ARFGAP3: variants seen among roughly 807,000 people sequenced by gnomAD.
ARFGAP3 encodes the protein ADP-ribosylation factor GTPase-activating protein 3.
In ARFGAP3, 72 loss-of-function variants were observed where a neutral mutation model predicts 75.0. The ratio of observed to expected loss-of-function variants is 0.96; its 90% CI spans 0.79 to 1.17. The LOEUF (loss-of-function observed/expected upper bound fraction) is 1.17. ARFGAP3 is among the 50% of genes most tolerant of loss of function. ARFGAP3 has a pLI of 0.00. For synonymous variants in ARFGAP3, 221 were observed against 217.9 expected (o/e 1.01, Z -0.13); for missense variants, 620 against 626.6 (o/e 0.99, Z 0.11).
chr22:42,842,275 G>A (rs919877234), intron 2 of ARFGAP3, among the ~76,000 whole-genome samples: 3 of 147,192 alleles, frequency 2.0e-5, no homozygotes, highest in Middle Eastern at 3.8e-3. Flanking sequence ...AAAGTACTGT[G>A]ATTACAGGCA....
rs1325854025 is a variant in ARFGAP3, at chr22:42,857,134, G to A, written c.49C>T (p.Arg17Cys). 3.3e-6 allele frequency: 5 copies of A among 1,515,426 alleles called. No homozygotes were observed. The highest frequency in any genetic ancestry group is 4.4e-6 in the Non-Finnish European group (5 of 1,130,058). The allele number at this position is 1,515,426 out of a possible 1,614,324, so 93.9% of individuals were successfully genotyped here. Residue 17 changes from arginine (R) to cysteine (C), a missense_variant, in exon 1 of 16, where the codon CGC (arginine) becomes TGC (cysteine). By Grantham distance (180) the Arg-to-Cys change is radical (BLOSUM62 -3). Transcript: ENST00000263245. ...GCTACCTTGTTAGTGGGCACCGAGCGGAGGCGCTTGAAGATGGTCAAGATG... is the reference window on the plus strand; with the variant it reads ...GCTACCTTGTTAGTGGGCACCGAGCAGAGGCGCTTGAAGATGGTCAAGATG... ...QDILTIFKRLRSVPTNKVCFD... is the reference protein window; with the variant it reads ...QDILTIFKRLCSVPTNKVCFD...
At chr22:42,838,985 C>G (rs1926658747) in intron 3 of ARFGAP3, among the ~76,000 whole-genome samples, 1 of 151,470 alleles carries the variant, frequency 6.6e-6, no homozygotes, top group Non-Finnish European at 1.5e-5. Context: ...TGGCGGGCGC[C>G]TGTAGTCCCA....
At chr22:42,847,779 G>A (rs8140450) in intron 1 of ARFGAP3, 147 bp from the exon 2 acceptor site, 22,928 of 902,270 alleles carry the variant, frequency 0.025, 375 homozygotes, top group Non-Finnish European at 0.029. Flanking sequence ...TCTCACCTAG[G>A]TTTTTTTAAA....
intron 1 of ARFGAP3, among the ~76,000 whole-genome samples, chr22:42,850,217 T>A (rs1927214797): frequency 6.6e-6 from 1 of 151,804 alleles, no homozygotes; most frequent in South Asian, 2.1e-4. Context: ...AAACTCCGAA[T>A]AGGGAAAAAA....
At chr22:42,800,598 T>G (rs1924813108) in intron 14 of ARFGAP3, among the ~76,000 whole-genome samples, 1 of 152,218 alleles carries the variant, frequency 6.6e-6, no homozygotes, top group Admixed American at 6.5e-5. Context: ...CAAGTTACCC[T>G]GCAACGTGTC....
chr22:42,800,437 AG>A (rs1479570732), intron 14 of ARFGAP3, among the ~76,000 whole-genome samples: 1 of 152,220 alleles, frequency 6.6e-6, no homozygotes, highest in East Asian at 1.9e-4. Context: ...AGGCTGAGGC[AG>A]GAGAATCACT....
At chr22:42,853,921 G>C (rs541644538) in intron 1 of ARFGAP3, 3 of 155,154 alleles carry the variant, frequency 1.9e-5, no homozygotes, top group South Asian at 2.0e-4. Context: ...CCTTCCGGGC[G>C]TGGGATGGTG....
intron 1 of ARFGAP3, among the ~76,000 whole-genome samples, chr22:42,848,961 T>A (rs1002901754): frequency 3.3e-5 from 5 of 152,058 alleles, no homozygotes; most frequent in African/African-American, 1.2e-4. Context: ...TCTCCCCCTC[T>A]CTCCCTCCCC....
Position 42,822,417 on chromosome 22 carries a change from A to C in ARFGAP3, c.673-8T>G. 1 of 1,613,568 alleles carries C rather than the reference A, an allele frequency of 6.2e-7. No individual in the cohort carries two copies. The highest frequency in any genetic ancestry group is 8.5e-7 in the Non-Finnish European group (1 of 1,179,864). ...TCCTTTTTTGGCCCCAAGCTAGAAC[A>C]TATATAAGACTATAGTCTACACGAG... is the stretch of plus-strand genomic sequence containing the variant. On this transcript the variant is annotated splice_polypyrimidine_tract_variant and splice_region_variant and intron_variant, in intron 8 of 15. Coordinates refer to ENST00000263245, the MANE Select transcript of ARFGAP3 (RefSeq NM_014570.5).
intron 6 of ARFGAP3, among the ~76,000 whole-genome samples, chr22:42,829,173 A>T (rs749808284): frequency 1.1e-4 from 16 of 152,228 alleles, no homozygotes; most frequent in Non-Finnish European, 2.2e-4. Flanking sequence ...CTTAAAAAAC[A>T]ATCTCTCTCT....
At chr22:42,807,543 C>T (rs1925181994) in intron 13 of ARFGAP3, among the ~76,000 whole-genome samples, 1 of 152,216 alleles carries the variant, frequency 6.6e-6, no homozygotes, top group Non-Finnish European at 1.5e-5. Flanking sequence ...TGAATGTCAA[C>T]TTTGAAGCAA....
At chr22:42,844,074 G>A (rs1451342679) in intron 2 of ARFGAP3, among the ~76,000 whole-genome samples, 1 of 152,216 alleles carries the variant, frequency 6.6e-6, no homozygotes, top group Admixed American at 6.5e-5. Flanking sequence ...CAGTGCATGT[G>A]TGTGTGTCTG....
chr22:42,857,057 C>T (rs1927537784), intron 1 of ARFGAP3, 57 bp downstream of exon 1: 3 of 1,463,216 alleles, frequency 2.1e-6, no homozygotes, highest in Non-Finnish European at 2.7e-6. Flanking sequence ...CCCGCGGGGC[C>T]TCCCGCCGGT....
intron 6 of ARFGAP3, among the ~76,000 whole-genome samples, chr22:42,828,964 C>A (rs142174138): frequency 6.6e-6 from 1 of 152,096 alleles, no homozygotes; most frequent in Non-Finnish European, 1.5e-5. Context: ...GGATTATAGG[C>A]GTGAGCCACT....
intron 14 of ARFGAP3, among the ~76,000 whole-genome samples, chr22:42,800,607 T>C (rs549632259): frequency 6.6e-6 from 1 of 152,290 alleles, no homozygotes; most frequent in Admixed American, 6.5e-5. Flanking sequence ...CTGCAACGTG[T>C]CCCTTGGAAG....
intron 12 of ARFGAP3, 135 bp downstream of exon 12, chr22:42,810,678 T>A: frequency 1.3e-6 from 1 of 750,230 alleles, no homozygotes; most frequent in Non-Finnish European, 2.3e-6. Context: ...CTCGGCCTCT[T>A]AAAGTGCTGG....
intron 2 of ARFGAP3, among the ~76,000 whole-genome samples, chr22:42,842,299 C>T (rs1482914162): frequency 7.5e-6 from 1 of 133,846 alleles, no homozygotes; most frequent in Non-Finnish European, 1.5e-5. Flanking sequence ...GCCACCGTGC[C>T]TGGCCTTTTT....
At chr22:42,831,430 G>A (rs1926283103) in intron 6 of ARFGAP3, 119 bp downstream of exon 6, 18 of 983,930 alleles carry the variant, frequency 1.8e-5, no homozygotes, top group Non-Finnish European at 2.5e-5. Context: ...CCTCAGCCTC[G>A]CAAAGTGCTG....
intron 6 of ARFGAP3, 51 bp from the exon 7 acceptor site, chr22:42,827,050 T>C (rs759957849): frequency 6.2e-7 from 1 of 1,602,310 alleles, no homozygotes; most frequent in Non-Finnish European, 8.5e-7. Context: ...TCAGCTAACT[T>C]GCTTTTGAAT....
Sources: allele counts gnomAD v4.1 joint callset (sites outside exome capture counted in the v4.1 genomes callset), GRCh38; gene constraint gnomAD v4.1.1; transcripts MANE v1.5; gene names NCBI Gene and HGNC (gene_info 2026-07-23, HGNC 2026-07-21).